GABRB2: variants seen among roughly 807,000 people sequenced by gnomAD.
The protein encoded by GABRB2 is gamma-aminobutyric acid type A receptor subunit beta2.
GABRB2 carries 16 observed loss-of-function variants against 54.7 expected under a neutral mutation model. That is an observed-to-expected ratio of 0.29 (90% CI 0.20 to 0.44). The LOEUF (loss-of-function observed/expected upper bound fraction) is 0.44, where lower values mean the gene tolerates loss of function less well. Among genes scored for constraint, GABRB2 ranks in the 20% least tolerant of loss-of-function variants. The pLI, the probability that GABRB2 is intolerant of heterozygous loss-of-function variation, is 1.00. For missense variants in GABRB2, 355 were observed against 644.0 expected, an observed-to-expected ratio of 0.55 and a Z score of 4.86; for synonymous variants, 244 against 233.8, an observed-to-expected ratio of 1.04 and a Z score of -0.40.
At chr5:161,437,870 C>G (rs1028889418) in intron 4 of GABRB2, among the ~76,000 whole-genome samples, 1 of 152,150 alleles carries the variant, frequency 6.6e-6, no homozygotes, top group Non-Finnish European at 1.5e-5. Context: ...AGTGATAGCT[C>G]AGCTGCAACA....
intron 5 of GABRB2, among the ~76,000 whole-genome samples, chr5:161,366,185 C>T (rs13183101): frequency 0.022 from 3,369 of 151,670 alleles, 59 homozygotes; most frequent in Non-Finnish European, 0.034. Flanking sequence ...TAAACCACTG[C>T]GAAAGAAAAT....
intron 3 of GABRB2, among the ~76,000 whole-genome samples, chr5:161,477,073 A>G (rs2962411): frequency 0.57 from 86,742 of 151,540 alleles, 26,273 homozygotes; most frequent in South Asian, 0.73. Context: ...AAAAACTCCT[A>G]CAACTCATAA....
At chr5:161,320,376 T>C (rs1310548169) in intron 9 of GABRB2, among the ~76,000 whole-genome samples, 1 of 151,232 alleles carries the variant, frequency 6.6e-6, no homozygotes, top group Non-Finnish European at 1.5e-5. Flanking sequence ...TTGACACACG[T>C]GACTTGTACA....
chr5:161,372,837 G>A (rs1020919582), intron 5 of GABRB2, among the ~76,000 whole-genome samples: 4 of 152,090 alleles, frequency 2.6e-5, no homozygotes, highest in African/African-American at 4.8e-5. Context: ...GCTGTGTACC[G>A]AGCAGTGTGA....
At chr5:161,389,621 GAA>G (rs1755757390) in intron 5 of GABRB2, among the ~76,000 whole-genome samples, 1 of 151,292 alleles carries the variant, frequency 6.6e-6, no homozygotes, top group Admixed American at 6.6e-5. Context: ...GAAACAGAGA[GAA>G]AGAGAAATGA....
At chr5:161,296,131 T>C (rs745361320) in intron 9 of GABRB2, among the ~76,000 whole-genome samples, 38 of 152,178 alleles carry the variant, frequency 2.5e-4, no homozygotes, top group Non-Finnish European at 4.6e-4. Flanking sequence ...AGTTACTAAA[T>C]GGTGGAGCTG....
chr5:161,296,405 TG>T (rs1757381469), intron 9 of GABRB2, among the ~76,000 whole-genome samples: 1 of 152,174 alleles, frequency 6.6e-6, no homozygotes, highest in African/African-American at 2.4e-5. Flanking sequence ...GCTTCTCTAC[TG>T]AGCAATTATA....
intron 5 of GABRB2, among the ~76,000 whole-genome samples, chr5:161,356,125 T>G (rs1754619409): frequency 6.6e-6 from 1 of 152,142 alleles, no homozygotes; most frequent in Non-Finnish European, 1.5e-5. Context: ...TAGGATCATG[T>G]GAAGGCAACA....
intron 3 of GABRB2, among the ~76,000 whole-genome samples, chr5:161,507,697 AACAGACCCTTC>A (rs2113395180): frequency 6.6e-6 from 1 of 152,218 alleles, no homozygotes; most frequent in Non-Finnish European, 1.5e-5. Context: ...AAAAGACTAA[AACAGACCCTTC>A]ACAAAAGAAG....
chr5:161,336,484 A>G, intron 6 of GABRB2, 148 bp downstream of exon 6: 2 of 931,194 alleles, frequency 2.1e-6, no homozygotes, highest in Admixed American at 2.8e-5. Flanking sequence ...GAGTAGAACA[A>G]TAGACTTCAT....
At chr5:161,315,867 A>T (rs1758013726) in intron 9 of GABRB2, among the ~76,000 whole-genome samples, 1 of 152,214 alleles carries the variant, frequency 6.6e-6, no homozygotes, top group Non-Finnish European at 1.5e-5. Flanking sequence ...CAGAAATCAC[A>T]TCCGAAGCAC....
At chr5:161,518,701 G>T (rs1231980772) in intron 3 of GABRB2, among the ~76,000 whole-genome samples, 2 of 152,138 alleles carry the variant, frequency 1.3e-5, no homozygotes, top group Non-Finnish European at 2.9e-5. Context: ...ACATCATGGA[G>T]ATATTTTGAT....
chr5:161,334,296 T>G (rs1279263465), intron 7 of GABRB2, among the ~76,000 whole-genome samples: 1 of 152,228 alleles, frequency 6.6e-6, no homozygotes, highest in African/African-American at 2.4e-5. Context: ...CTTACTTTGT[T>G]GTCTCCTGCC....
intron 5 of GABRB2, among the ~76,000 whole-genome samples, chr5:161,410,317 A>G (rs1477344442): frequency 6.6e-6 from 1 of 151,908 alleles, no homozygotes; most frequent in Non-Finnish European, 1.5e-5. Flanking sequence ...CTGAATCATC[A>G]ATGTGGAAGC....
At chr5:161,398,075 A>T (rs1050802730) in intron 5 of GABRB2, among the ~76,000 whole-genome samples, 2 of 152,232 alleles carry the variant, frequency 1.3e-5, no homozygotes, top group Non-Finnish European at 2.9e-5. Context: ...ACAGATAAAT[A>T]AATGTGACCA....
At chr5:161,452,793 A>T (rs1348654566) in intron 4 of GABRB2, among the ~76,000 whole-genome samples, 2 of 152,162 alleles carry the variant, frequency 1.3e-5, no homozygotes, top group Non-Finnish European at 2.9e-5. Flanking sequence ...CAGGAGTTCA[A>T]GAACAGCCTG....
intron 3 of GABRB2, among the ~76,000 whole-genome samples, chr5:161,534,480 G>T (rs1409115202): frequency 6.6e-6 from 1 of 152,150 alleles, no homozygotes; most frequent in African/African-American, 2.4e-5. Flanking sequence ...CTCTCGGGAA[G>T]AAAGAAAGCT....
intron 3 of GABRB2, among the ~76,000 whole-genome samples, chr5:161,521,892 T>C (rs1307769190): frequency 2.6e-5 from 4 of 151,890 alleles, no homozygotes; most frequent in Non-Finnish European, 5.9e-5. Context: ...TCTGAATCTT[T>C]GTATTTTATT....
chr5:161,339,530 A>C (rs1208308093), intron 5 of GABRB2, among the ~76,000 whole-genome samples: 1 of 152,022 alleles, frequency 6.6e-6, no homozygotes, highest in East Asian at 1.9e-4. Context: ...TGTAGGTGAC[A>C]CATAAAAACA....
Sources: gnomAD v4.1 joint callset for allele counts (sites outside exome capture counted in the v4.1 genomes callset) on GRCh38, gnomAD v4.1.1 for gene constraint, MANE v1.5 for transcripts, NCBI Gene and HGNC (gene_info 2026-07-23, HGNC 2026-07-21) for gene names.